EBPL: variants seen among roughly 807,000 people sequenced by gnomAD.
EBPL encodes the protein EBP like, also known as emopamil-binding protein-like.
EBPL carries 20 observed loss-of-function variants against 19.0 expected under a neutral mutation model. The observed-to-expected ratio is 1.05, with a 90% confidence interval of 0.74 to 1.53. EBPL has a LOEUF of 1.53. EBPL is among the 40% of genes most tolerant of loss of function. The pLI is 0.00. For missense variants in EBPL, 219 were observed against 261.1 expected, an observed-to-expected ratio of 0.84 and a Z score of 1.11; for synonymous variants, 107 against 117.0, an observed-to-expected ratio of 0.91 and a Z score of 0.55.
At chr13:49,678,363 A>T (rs1421313090) in intron 1 of EBPL, among the ~76,000 whole-genome samples, 1 of 152,224 alleles carries the variant, frequency 6.6e-6, no homozygotes, top group African/African-American at 2.4e-5. Context: ...GGTCAATCGG[A>T]CAGGTCGCTG....
At chr13:49,683,055 C>G (rs1331154519) in intron 1 of EBPL, among the ~76,000 whole-genome samples, 4 of 152,082 alleles carry the variant, frequency 2.6e-5, no homozygotes, top group African/African-American at 9.7e-5. Flanking sequence ...CTCACTGCAA[C>G]CTCCACCTCC....
At chr13:49,683,164 G>A (rs890896910) in intron 1 of EBPL, among the ~76,000 whole-genome samples, 4 of 151,866 alleles carry the variant, frequency 2.6e-5, no homozygotes, top group African/African-American at 4.8e-5. Context: ...TAGTAGAGAC[G>A]GGGTTTCATC....
At chr13:49,691,204 G>A (rs372857896) in intron 1 of EBPL, 50 bp downstream of exon 1, 7 of 1,275,812 alleles carry the variant, frequency 5.5e-6, no homozygotes, top group South Asian at 3.2e-5. Context: ...TGCCGCCCCC[G>A]CTCCCACTCT....
chr13:49,663,707 G>A (rs2137482271), intron 2 of EBPL, among the ~76,000 whole-genome samples: 1 of 152,068 alleles, frequency 6.6e-6, no homozygotes, highest in South Asian at 2.1e-4. Context: ...GGAGGCCAAG[G>A]CGGGCAGATC....
chr13:49,667,350 G>A (rs1965243585), intron 2 of EBPL, among the ~76,000 whole-genome samples: 2 of 152,176 alleles, frequency 1.3e-5, no homozygotes, highest in Admixed American at 1.3e-4. Context: ...CAAACTAAGG[G>A]TCGGGGTAGA....
chr13:49,661,327 G>T (rs1965145152), intron 3 of EBPL, 119 bp from the exon 4 acceptor site: 1 of 812,904 alleles, frequency 1.2e-6, no homozygotes, highest in Non-Finnish European at 2.0e-6. Flanking sequence ...ACCGTCCTAA[G>T]TTGGGCCTCA....
chr13:49,666,721 A>G (rs950066511), intron 2 of EBPL, among the ~76,000 whole-genome samples: 1 of 150,100 alleles, frequency 6.7e-6, no homozygotes, highest in African/African-American at 2.4e-5. Context: ...CAAAAAAAAA[A>G]AAAAAAAAAA....
At chr13:49,686,675 A>G in intron 1 of EBPL, 2 of 1,249,506 alleles carry the variant, frequency 1.6e-6, no homozygotes, top group Non-Finnish European at 2.1e-6. Flanking sequence ...CAGCAAAAGC[A>G]GTCATACCTG....
chr13:49,686,588 ACT>A, intron 1 of EBPL: 1 of 1,288,132 alleles, frequency 7.8e-7, no homozygotes, highest in Non-Finnish European at 1.0e-6. Context: ...GGTCTTTCCC[ACT>A]CTCTCCTAGG....
Position 49,691,308 on chromosome 13 carries a change from C to A in EBPL, c.117G>T (p.Ala39=). Residue 39 remains alanine (A), a synonymous_variant, in exon 1 of 4, where the codon GCG becomes GCT. Coordinates refer to ENST00000242827, the MANE Select transcript of EBPL (RefSeq NM_032565.5). ...GLRLGRGQGA[A]DRGALIWLCY... is the part of the protein sequence containing the mutation. ...AGAGCCAGATGAGCGCCCCGCGGTC[C>A]GCCGCCCCCTGCCCGCGGCCCAGGC... 7.3e-7 allele frequency: 1 copy of A among 1,369,960 alleles called. No individual in the cohort carries two copies. The highest frequency in any genetic ancestry group is 3.0e-5 in the East Asian group (1 of 32,822). 84.9% of individuals were successfully genotyped at this position (1,369,960 alleles called of 1,614,324 possible).
At chr13:49,680,291 G>T (rs1953928046) in intron 1 of EBPL, among the ~76,000 whole-genome samples, 1 of 152,186 alleles carries the variant, frequency 6.6e-6, no homozygotes, top group African/African-American at 2.4e-5. Flanking sequence ...ACCTGTCCCT[G>T]AAGAAGACCT....
At chr13:49,677,392 T>C (rs1258662893) in intron 1 of EBPL, among the ~76,000 whole-genome samples, 1 of 152,164 alleles carries the variant, frequency 6.6e-6, no homozygotes, top group Non-Finnish European at 1.5e-5. Context: ...CCTGCCAATA[T>C]CAGAGTTCCA....
chr13:49,678,522 C>G (rs1164750063), intron 1 of EBPL, among the ~76,000 whole-genome samples: 1 of 152,226 alleles, frequency 6.6e-6, no homozygotes, highest in East Asian at 1.9e-4. Context: ...TGATGGGGAA[C>G]CCAGCTCACC....
rs535494393 is a variant in EBPL, at chr13:49,690,665, C to T, written c.171+589G>A. Reference sequence around the variant, plus strand: ...CTAGACTGCCTCAGAATCATGCCAGCTGTGTGGCACTGGAAAGTCACCTAA... The same window carrying T: ...CTAGACTGCCTCAGAATCATGCCAGTTGTGTGGCACTGGAAAGTCACCTAA... On this transcript the variant is annotated intron_variant, in intron 1 of 3. Coordinates refer to ENST00000242827, the MANE Select transcript of EBPL (RefSeq NM_032565.5). Among the ~76,000 whole-genome samples the T allele has an allele frequency of 3.9e-5, 6 of 152,310 alleles. No individual in the cohort carries two copies. In the East Asian group the frequency reaches 1.2e-3, roughly 29 times the overall value.
intron 3 of EBPL, among the ~76,000 whole-genome samples, chr13:49,662,118 C>T (rs1031747466): frequency 1.3e-5 from 2 of 152,152 alleles, no homozygotes; most frequent in Admixed American, 6.6e-5. Context: ...CTCAGCCTCC[C>T]GATAGCTGGG....
At chr13:49,670,082 T>C (rs1461432391) in intron 1 of EBPL, among the ~76,000 whole-genome samples, 1 of 152,334 alleles carries the variant, frequency 6.6e-6, no homozygotes, top group East Asian at 1.9e-4. Context: ...TTTTCAATGA[T>C]TGGCACTGTA....
At chr13:49,682,606 T>G (rs1953954124) in intron 1 of EBPL, among the ~76,000 whole-genome samples, 1 of 152,248 alleles carries the variant, frequency 6.6e-6, no homozygotes, top group Non-Finnish European at 1.5e-5. Context: ...ATACAGAATC[T>G]TGGATGATCC....
chr13:49,679,568 C>A (rs1003556088), intron 1 of EBPL, among the ~76,000 whole-genome samples: 1 of 152,304 alleles, frequency 6.6e-6, no homozygotes, highest in Non-Finnish European at 1.5e-5. Flanking sequence ...GGTGTTATCA[C>A]GGCTCACTGC....
At chr13:49,670,570 C>T (rs1052784321) in intron 1 of EBPL, among the ~76,000 whole-genome samples, 1 of 152,154 alleles carries the variant, frequency 6.6e-6, no homozygotes, top group Admixed American at 6.6e-5. Context: ...AAAACTGGGT[C>T]CTGCCACCCC....
Sources: allele counts gnomAD v4.1 joint callset (sites outside exome capture counted in the v4.1 genomes callset), GRCh38; gene constraint gnomAD v4.1.1; transcripts MANE v1.5; gene names NCBI Gene and HGNC (gene_info 2026-07-23, HGNC 2026-07-21).